Variants in ZDHHC14 observed in about 807,000 individuals in gnomAD.
ZDHHC14 encodes zDHHC palmitoyltransferase 14.
ZDHHC14 carries 16 observed loss-of-function variants against 47.7 expected under a neutral mutation model. That is an observed-to-expected ratio of 0.34 (90% CI 0.23 to 0.51). The LOEUF (loss-of-function observed/expected upper bound fraction) is 0.51. ZDHHC14 is among the 20% of genes least tolerant of loss of function. ZDHHC14 has a pLI of 0.97. For synonymous variants in ZDHHC14, 293 were observed against 278.9 expected, an observed-to-expected ratio of 1.05 and a Z score of -0.50; for missense variants, 515 against 662.5, an observed-to-expected ratio of 0.78 and a Z score of 2.44.
At chr6:157,610,818 G>A (rs1259613397) in intron 3 of ZDHHC14, among the ~76,000 whole-genome samples, 3 of 152,146 alleles carry the variant, frequency 2.0e-5, no homozygotes, top group Non-Finnish European at 4.4e-5. Flanking sequence ...AAAGCCAGCC[G>A]CTTCTCTGCC....
chr6:157,615,375 A>G (rs1246314869), intron 3 of ZDHHC14, among the ~76,000 whole-genome samples: 1 of 152,144 alleles, frequency 6.6e-6, no homozygotes, highest in African/African-American at 2.4e-5. Flanking sequence ...AGAGCCACCA[A>G]CCTGTTCTGG....
chr6:157,490,612 C>T lies in ZDHHC14; in HGVS notation c.246-51973C>T, dbSNP rs142869531. On this transcript the variant is annotated intron_variant, in intron 1 of 8. Transcript: ENST00000359775. The stretch of plus-strand genomic sequence containing the variant: ...AAAGCACGAATACACAGGAGAATTT[C>T]TGGCACAAGGATGAAGTCAAGGAAG... Among the ~76,000 whole-genome samples the T allele has an allele frequency of 4.3e-3, 662 of 152,350 alleles. 2 individuals are homozygous for T. The highest frequency in any genetic ancestry group is 6.8e-3 in the Middle Eastern group (2 of 294).
chr6:157,533,517 G>C (rs1165145718), intron 1 of ZDHHC14, among the ~76,000 whole-genome samples: 2 of 152,196 alleles, frequency 1.3e-5, no homozygotes, highest in Non-Finnish European at 2.9e-5. Context: ...TCCAGGCAGG[G>C]GGAAGGCACA....
rs1779152681 is a variant in ZDHHC14 at position 157,463,997 on chromosome 6, C to G, written c.246-78588C>G. Among the ~76,000 whole-genome samples, 1 of 151,980 alleles carries G rather than the reference C, an allele frequency of 6.6e-6. No individual in the cohort carries two copies. Among genetic ancestry groups the G allele is most frequent in the Non-Finnish European group, 1.5e-5 (1 of 67,984 alleles). On this transcript the variant is annotated intron_variant, in intron 1 of 8. Coordinates refer to ENST00000359775, the MANE Select transcript of ZDHHC14 (RefSeq NM_024630.3). This position sits in a 1 kb window ranked among gnomAD's most constrained non-coding sequence, Gnocchi z 4.4. ...CTGAGATTGCATCACGGCACTCCAG[C>G]CTGGGTGACAGAGCAAGATTCTGTC...
intron 1 of ZDHHC14, among the ~76,000 whole-genome samples, chr6:157,511,000 A>G (rs1389358316): frequency 6.6e-6 from 1 of 152,230 alleles, no homozygotes; most frequent in Non-Finnish European, 1.5e-5. Flanking sequence ...CTTAGAAATC[A>G]AATCATGGAA....
chr6:157,632,929 A>T, intron 5 of ZDHHC14, 47 bp downstream of exon 5: 1 of 1,602,620 alleles, frequency 6.2e-7, no homozygotes. Context: ...TGTGTTGAGT[A>T]TCTGGCTGAC....
At chr6:157,514,215 A>G (rs1466212326) in intron 1 of ZDHHC14, among the ~76,000 whole-genome samples, 1 of 152,172 alleles carries the variant, frequency 6.6e-6, no homozygotes, top group African/African-American at 2.4e-5. Flanking sequence ...AGGGCTCTCA[A>G]TTTTTTGGGG....
chr6:157,581,558 C>T (rs1205545198), intron 2 of ZDHHC14, among the ~76,000 whole-genome samples: 1 of 152,020 alleles, frequency 6.6e-6, no homozygotes, highest in African/African-American at 2.4e-5. Flanking sequence ...GTCTAAGTCT[C>T]TTTGTGGGTC....
intron 1 of ZDHHC14, among the ~76,000 whole-genome samples, chr6:157,486,359 C>T (rs1272874002): frequency 6.6e-6 from 1 of 152,214 alleles, no homozygotes; most frequent in East Asian, 1.9e-4. Flanking sequence ...CCTGTATTAT[C>T]TTGGGCAGTC....
At chr6:157,522,900 C>CCTTT (rs1172482745) in intron 1 of ZDHHC14, among the ~76,000 whole-genome samples, 3 of 36,880 alleles carry the variant, frequency 8.1e-5, no homozygotes, top group African/African-American at 5.1e-4. Context: ...ATCCTTCCTT[C>CCTTT]CTTCCTTCCT....
At chr6:157,605,845 G>T (rs1254725997) in intron 3 of ZDHHC14, among the ~76,000 whole-genome samples, 1 of 152,162 alleles carries the variant, frequency 6.6e-6, no homozygotes, top group African/African-American at 2.4e-5. Flanking sequence ...AGAGGAGGAT[G>T]AATCACATGT....
intron 1 of ZDHHC14, among the ~76,000 whole-genome samples, chr6:157,443,130 A>AT (rs1302003744): frequency 6.6e-6 from 1 of 152,126 alleles, no homozygotes; most frequent in Non-Finnish European, 1.5e-5. Flanking sequence ...TGTTGTTCTC[A>AT]TGATAGTGAG....
rs560357263 is a variant in ZDHHC14, at chr6:157,510,973, A to G, written c.246-31612A>G. 1.7e-4 allele frequency among the ~76,000 whole-genome samples: 26 copies of G among 152,368 alleles called. No individual in the cohort carries two copies. In the South Asian group the frequency reaches 1.9e-3, roughly 11 times the overall value. Reference sequence around the variant, plus strand: ...TAAAAATGTATATGTTTGTTTCATCATAATTTACCTTTGTGGCTTAGAAAT... The same window carrying G: ...TAAAAATGTATATGTTTGTTTCATCGTAATTTACCTTTGTGGCTTAGAAAT... On this transcript the variant is annotated intron_variant, in intron 1 of 8. Transcript: ENST00000359775.
At chr6:157,649,920 G>A (rs9458056) in intron 7 of ZDHHC14, among the ~76,000 whole-genome samples, 5,532 of 151,728 alleles carry the variant, frequency 0.036, 344 homozygotes, top group African/African-American at 0.13. Flanking sequence ...GCCCATGTGC[G>A]GTGGAGCCAG....
intron 5 of ZDHHC14, among the ~76,000 whole-genome samples, chr6:157,633,384 A>T (rs759521320): frequency 4.5e-4 from 69 of 151,722 alleles, no homozygotes; most frequent in Admixed American, 2.4e-3. Flanking sequence ...ATAGATTAAA[A>T]ATGGTCAGTC....
intron 1 of ZDHHC14, among the ~76,000 whole-genome samples, chr6:157,417,723 G>A (rs1778010794): frequency 6.6e-6 from 1 of 152,224 alleles, no homozygotes; most frequent in Non-Finnish European, 1.5e-5. Context: ...GCTCACGCCT[G>A]TAATCCCAGC....
chr6:157,482,362 T>C (rs562876685), intron 1 of ZDHHC14, among the ~76,000 whole-genome samples: 3 of 150,840 alleles, frequency 2.0e-5, no homozygotes, highest in African/African-American at 7.3e-5. Flanking sequence ...CAAGTGATTC[T>C]CCTGCCTCAG....
intron 1 of ZDHHC14, among the ~76,000 whole-genome samples, chr6:157,405,984 C>G (rs1777751478): frequency 6.6e-6 from 1 of 152,198 alleles, no homozygotes; most frequent in Non-Finnish European, 1.5e-5. Context: ...ATTTTTCCAT[C>G]TTTGTTGCCC....
intron 1 of ZDHHC14, among the ~76,000 whole-genome samples, chr6:157,514,862 G>A (rs145798091): frequency 0.011 from 1,643 of 152,298 alleles, 18 homozygotes; most frequent in Non-Finnish European, 0.018. Flanking sequence ...TGGGGCCTGG[G>A]TCTCAGGGGA....
Sources: allele counts gnomAD v4.1 joint callset (sites outside exome capture counted in the v4.1 genomes callset), GRCh38; gene constraint gnomAD v4.1.1; non-coding constraint Gnocchi (gnomAD v3.1); transcripts MANE v1.5; gene names NCBI Gene and HGNC (gene_info 2026-07-23, HGNC 2026-07-21).